Variants in CDH18 observed in about 807,000 individuals in gnomAD.
CDH18 encodes cadherin-18.
Under a neutral mutation model 67.9 loss-of-function variants are expected in CDH18, and 31 were observed. The observed-to-expected ratio is 0.46, with a 90% CI of 0.34 to 0.62. The LOEUF (loss-of-function observed/expected upper bound fraction) is 0.62, where lower values mean the gene tolerates loss of function less well. CDH18 is among the 20% of genes least tolerant of loss of function. The pLI is 0.01. For missense variants in CDH18, 890 were observed against 975.5 expected (o/e 0.91, Z 1.17); for synonymous variants, 362 against 347.2 (o/e 1.04, Z -0.48).
Position 19,851,822 on chromosome 5 carries a change from T to C in CDH18, c.-256-12580A>G, listed in dbSNP as rs187483923. ...ATAGTGTCAAGTAGACAATAATCTC[T>C]TTTGGTTCAAAAGATTAACTTAAAA... On this transcript the variant is annotated intron_variant, in intron 2 of 12. Coordinates refer to ENST00000382275, the MANE Select transcript of CDH18 (RefSeq NM_004934.5). Among the ~76,000 whole-genome samples, 30 of 152,010 alleles carry C rather than the reference T, an allele frequency of 2.0e-4. No homozygotes were observed. In the East Asian group the frequency reaches 5.8e-3, roughly 29 times the overall value.
At chr5:19,519,226 A>G (rs965599298) in intron 10 of CDH18, among the ~76,000 whole-genome samples, 14 of 152,200 alleles carry the variant, frequency 9.2e-5, no homozygotes, top group Non-Finnish European at 2.1e-4. Context: ...TGAACATGAA[A>G]AAAGCTTTAT....
intron 3 of CDH18, among the ~76,000 whole-genome samples, chr5:19,826,075 C>A (rs1349537250): frequency 6.6e-6 from 1 of 152,192 alleles, no homozygotes; most frequent in African/African-American, 2.4e-5. Flanking sequence ...CTCCAAGAAT[C>A]TCATAATACA....
At chr5:19,680,193 A>G (rs1189448579) in intron 5 of CDH18, among the ~76,000 whole-genome samples, 1 of 152,104 alleles carries the variant, frequency 6.6e-6, no homozygotes, top group Non-Finnish European at 1.5e-5. Flanking sequence ...TCCCTATACA[A>G]TAAATGGTGT....
intron 1 of CDH18, among the ~76,000 whole-genome samples, chr5:20,462,649 G>T (rs963747267): frequency 2.6e-5 from 4 of 152,070 alleles, no homozygotes; most frequent in Non-Finnish European, 4.4e-5. Flanking sequence ...ATATTTTAAA[G>T]TCATAGTTGT....
chr5:19,890,659 A>G (rs1243125264), intron 2 of CDH18, among the ~76,000 whole-genome samples: 1 of 150,924 alleles, frequency 6.6e-6, no homozygotes, highest in African/African-American at 2.5e-5. Flanking sequence ...CAGTGGCATA[A>G]TCTTGGCTCA....
chr5:20,169,479 A>G (rs987766617), intron 2 of CDH18, among the ~76,000 whole-genome samples: 3 of 152,168 alleles, frequency 2.0e-5, no homozygotes, highest in Non-Finnish European at 4.4e-5. Flanking sequence ...GTTCTAAGTA[A>G]AGAAAGTAGT....
At chr5:19,833,741 A>C (rs1162757761) in intron 3 of CDH18, among the ~76,000 whole-genome samples, 1 of 152,162 alleles carries the variant, frequency 6.6e-6, no homozygotes, top group Non-Finnish European at 1.5e-5. Context: ...CGGATGTTAA[A>C]TTTTATCAAA....
At chr5:20,136,076 G>A (rs1342895016) in intron 2 of CDH18, among the ~76,000 whole-genome samples, 1 of 152,160 alleles carries the variant, frequency 6.6e-6, no homozygotes, top group East Asian at 1.9e-4. Context: ...CTGTTGATTT[G>A]GGGTGGAGAG....
intron 3 of CDH18, among the ~76,000 whole-genome samples, chr5:19,833,731 C>T (rs570859134): frequency 9.2e-5 from 14 of 151,980 alleles, no homozygotes; most frequent in East Asian, 5.8e-4. Flanking sequence ...TTAACATGAA[C>T]GGATGTTAAA....
At chr5:19,787,039 A>G (rs1775870294) in intron 3 of CDH18, among the ~76,000 whole-genome samples, 1 of 152,190 alleles carries the variant, frequency 6.6e-6, no homozygotes, top group South Asian at 2.1e-4. Context: ...TGATACAACT[A>G]GAAGTAGGAC....
chr5:19,755,454 T>TACAC (rs1554024397), intron 3 of CDH18, among the ~76,000 whole-genome samples: 7,195 of 19,356 alleles, frequency 0.37, 1,141 homozygotes, highest in East Asian at 0.66. Flanking sequence ...TATATATATA[T>TACAC]ATATACACAC....
chr5:19,888,862 T>C (rs1788496065), intron 2 of CDH18, among the ~76,000 whole-genome samples: 4 of 152,148 alleles, frequency 2.6e-5, no homozygotes, highest in Non-Finnish European at 1.5e-5. Flanking sequence ...TTTTTGCCAA[T>C]AAATATGTTT....
intron 2 of CDH18, among the ~76,000 whole-genome samples, chr5:19,899,532 A>G (rs555454648): frequency 6.6e-6 from 1 of 152,276 alleles, no homozygotes; most frequent in South Asian, 2.1e-4. Flanking sequence ...TAGCTTGCTT[A>G]TGGAAAAGAA....
chr5:19,478,512 C>T (rs1379206007), intron 12 of CDH18: 2 of 152,148 alleles, frequency 1.3e-5, no homozygotes, highest in Non-Finnish European at 2.9e-5. Context: ...ACCTTTATCT[C>T]CTCACCAATT....
At chr5:20,572,493 G>T (rs1398395816) in intron 1 of CDH18, among the ~76,000 whole-genome samples, 1 of 151,974 alleles carries the variant, frequency 6.6e-6, no homozygotes, top group African/African-American at 2.4e-5. Flanking sequence ...TTATATACAA[G>T]AATATTTTAA....
intron 1 of CDH18, among the ~76,000 whole-genome samples, chr5:20,460,163 G>C: frequency 6.6e-6 from 1 of 152,038 alleles, no homozygotes; most frequent in Admixed American, 6.6e-5. Flanking sequence ...GGGAGGCCGA[G>C]GTGGGTGGAT....
At chr5:19,670,226 G>GT (rs1025356496) in intron 5 of CDH18, among the ~76,000 whole-genome samples, 59 of 151,952 alleles carry the variant, frequency 3.9e-4, no homozygotes, top group Middle Eastern at 3.4e-3. Flanking sequence ...TTGCTAAACA[G>GT]TTTTTTTTCA....
intron 2 of CDH18, among the ~76,000 whole-genome samples, chr5:19,920,893 G>GCACACA (rs70954622): frequency 0.059 from 8,579 of 145,906 alleles, 414 homozygotes; most frequent in African/African-American, 0.13. Context: ...ACCCACAAGA[G>GCACACA]CACACACACA....
At chr5:20,388,995 G>A (rs1399486816) in intron 1 of CDH18, among the ~76,000 whole-genome samples, 1 of 152,158 alleles carries the variant, frequency 6.6e-6, no homozygotes. Flanking sequence ...TTTGGAATAA[G>A]TGCAGTGTGG....
Sources: allele counts gnomAD v4.1 joint callset (sites outside exome capture counted in the v4.1 genomes callset), GRCh38; gene constraint gnomAD v4.1.1; transcripts MANE v1.5; gene names NCBI Gene and HGNC (gene_info 2026-07-23, HGNC 2026-07-21).